GPSM2: variants seen among roughly 807,000 people sequenced by gnomAD.
GPSM2 encodes G protein signaling modulator 2.
A neutral mutation model predicts 78.4 loss-of-function variants in GPSM2; 58 were observed. The observed-to-expected ratio is 0.74, with a 90% confidence interval of 0.60 to 0.92. The LOEUF (loss-of-function observed/expected upper bound fraction) is 0.92. Ranked by LOEUF, GPSM2 falls within the 40% of genes least tolerant of loss-of-function variation. The pLI is 0.00. For synonymous variants in GPSM2, 224 were observed against 280.2 expected, an observed-to-expected ratio of 0.80 and a Z score of 2.00; for missense variants, 700 against 815.5, an observed-to-expected ratio of 0.86 and a Z score of 1.73.
intron 1 of GPSM2, among the ~76,000 whole-genome samples, chr1:108,883,321 G>A (rs1647266105): frequency 1.3e-5 from 2 of 152,112 alleles, no homozygotes; most frequent in South Asian, 4.1e-4. Context: ...CATTAGTCTG[G>A]TTTATGATAT....
intron 14 of GPSM2, among the ~76,000 whole-genome samples, chr1:108,929,209 A>T (rs1257880764): frequency 6.6e-6 from 1 of 152,144 alleles, no homozygotes; most frequent in Non-Finnish European, 1.5e-5. Flanking sequence ...AATGAAAATG[A>T]CTTCATTTAC....
chr1:108,931,389 T>C lies in GPSM2; in HGVS notation c.*1449T>C. 5 of 1,551,192 alleles carry C rather than the reference T, an allele frequency of 3.2e-6. No individual in the cohort carries two copies. Among genetic ancestry groups the C allele is most frequent in the Non-Finnish European group, 4.4e-6 (5 of 1,147,130 alleles). On this transcript the variant is annotated 3_prime_UTR_variant, in exon 15 of 15. Transcript: ENST00000264126. ...AGCAAAAGACAAGTATGGGACAGAC[T>C]GGGACCTGGAGTAACACTGGATCAC... is the stretch of plus-strand genomic sequence containing the variant.
At chr1:108,897,839 T>C in intron 4 of GPSM2, 120 bp from the exon 5 acceptor site, 1 of 1,008,984 alleles carries the variant, frequency 9.9e-7, no homozygotes, top group Non-Finnish European at 1.5e-6. Flanking sequence ...ATTGGTTCTG[T>C]ATGGAGAGCC....
intron 2 of GPSM2, 126 bp from the exon 3 acceptor site, chr1:108,896,738 A>G: frequency 1.3e-6 from 1 of 783,326 alleles, no homozygotes; most frequent in Non-Finnish European, 2.3e-6. Context: ...AATGTATATA[A>G]ACTTCAGTTA....
chr1:108,922,345 A>G, intron 12 of GPSM2, 72 bp from the exon 13 acceptor site: 1 of 1,120,994 alleles, frequency 8.9e-7, no homozygotes, highest in Non-Finnish European at 1.4e-6. Context: ...TGAATGCATC[A>G]TGATGTTCAT....
rs574565748 is a variant in GPSM2 at position 108,929,895 on chromosome 1, T to A, written c.2010T>A (p.Ala670=). The part of the protein sequence containing the change: ...FGLKDFLQNN[A]LLEFKNSGKK... Reference sequence around the variant, plus strand: ...TAAAGGACTTTTTGCAAAATAATGCTTTGTTGGAGTTTAAAAATTCAGGGA... The same window carrying A: ...TAAAGGACTTTTTGCAAAATAATGCATTGTTGGAGTTTAAAAATTCAGGGA... Residue 670 remains alanine (A), a synonymous_variant, in exon 15 of 15, where the codon GCT becomes GCA. Transcript: ENST00000264126. The A allele has an allele frequency of 1.9e-6, 3 of 1,613,698 alleles. No homozygotes were observed. In the African/African-American group the frequency reaches 4.0e-5, roughly 22 times the overall value.
intron 9 of GPSM2, 82 bp downstream of exon 9, chr1:108,903,316 T>C (rs1474469002): frequency 1.1e-5 from 8 of 753,832 alleles, no homozygotes; most frequent in Non-Finnish European, 1.9e-5. Context: ...TTTCTCTAGA[T>C]TGATCATGTG....
chr1:108,925,353 A>G (rs1198984277), intron 14 of GPSM2, among the ~76,000 whole-genome samples: 1 of 152,220 alleles, frequency 6.6e-6, no homozygotes, highest in Non-Finnish European at 1.5e-5. Context: ...CCAAGGGAGA[A>G]GTAAATTTGG....
At position 108,932,218 on chromosome 1, in the gene GPSM2, G is replaced by A. The variant is rs1388825478; in HGVS notation, c.*2278G>A. 1.2e-4 allele frequency: 18 copies of A among 152,316 alleles called. No homozygotes were observed. Among genetic ancestry groups the A allele is most frequent in the South Asian group, 4.1e-4 (2 of 4,830 alleles). 9.4% of individuals were successfully genotyped at this position (152,316 alleles called of 1,614,324 possible). A position where few individuals can be genotyped will look rare whatever the true frequency, so the allele number is the denominator to read the frequency against. ...GAACCTGGGAGGTGGAGGTTGCAGTGAGCCGAGATTGTACCACCTCACTCC... is the reference window on the plus strand; with the variant it reads ...GAACCTGGGAGGTGGAGGTTGCAGTAAGCCGAGATTGTACCACCTCACTCC... On this transcript the variant is annotated 3_prime_UTR_variant, in exon 15 of 15. Coordinates refer to ENST00000264126, the MANE Select transcript of GPSM2 (RefSeq NM_013296.5).
chr1:108,899,816 A>G (rs1042109107), intron 7 of GPSM2, among the ~76,000 whole-genome samples: 4 of 152,260 alleles, frequency 2.6e-5, no homozygotes, highest in African/African-American at 7.2e-5. Context: ...TGTCATCTTC[A>G]TAAAAAAGGT....
chr1:108,914,388 A>T lies in GPSM2; in HGVS notation c.1243A>T (p.Met415Leu). ...RRHSMENMEL[M>L]KLTPEKVQNW... ...GCATAGTATGGAAAATATGGAACTT[A>T]TGAAGTTAACACCAGAAAAGGTGGG... The change falls in exon 11 of 15, where the codon ATG becomes TTG. Residue 415 changes from methionine to leucine, a missense_variant. By Grantham distance (15) the Met-to-Leu change is conservative. Coordinates refer to ENST00000264126, the MANE Select transcript of GPSM2 (RefSeq NM_013296.5). 1 of 1,611,304 alleles carries T rather than the reference A, an allele frequency of 6.2e-7. No individual in the cohort carries two copies. Among genetic ancestry groups the T allele is most frequent in the Non-Finnish European group, 8.5e-7 (1 of 1,177,736 alleles).
chr1:108,904,033 T>C, intron 9 of GPSM2, 92 bp from the exon 10 acceptor site: 1 of 834,782 alleles, frequency 1.2e-6, no homozygotes, highest in Non-Finnish European at 2.0e-6. Flanking sequence ...CTCTATATTT[T>C]CTTCTAGTTT....
At chr1:108,887,349 G>A (rs904933303) in intron 2 of GPSM2, among the ~76,000 whole-genome samples, 5 of 152,158 alleles carry the variant, frequency 3.3e-5, no homozygotes, top group African/African-American at 1.2e-4. Context: ...GGGAGGTAGA[G>A]CTCAAGGTTT....
chr1:108,932,411 TTAAG>T lies in GPSM2; in HGVS notation c.*2473_*2476del, dbSNP rs1173522808. The T allele has an allele frequency of 6.6e-6, 1 of 152,240 alleles. No individual in the cohort carries two copies. The highest frequency in any genetic ancestry group is 2.4e-5 in the African/African-American group (1 of 41,458). The allele number at this position is 152,240 out of a possible 1,614,324, so 9.4% of individuals were successfully genotyped here. A position where few individuals can be genotyped will look rare whatever the true frequency, so the allele number is the denominator to read the frequency against. On this transcript the variant is annotated 3_prime_UTR_variant, in exon 15 of 15. Coordinates refer to ENST00000264126, the MANE Select transcript of GPSM2 (RefSeq NM_013296.5). ...CGATGTGTTCAATTTGCTTTCATAT[TTAAG>T]TCTTTCCTGAATTGCTGTCATCATT... is the stretch of plus-strand genomic sequence containing the variant.
chr1:108,894,808 C>A (rs1432408973), intron 2 of GPSM2, among the ~76,000 whole-genome samples: 3 of 151,788 alleles, frequency 2.0e-5, no homozygotes, highest in African/African-American at 7.3e-5. Context: ...TTGGAATTGG[C>A]TACATATATC....
Position 108,885,571 on chromosome 1 carries a change from C to T in GPSM2, c.49C>T (p.Arg17Cys). The change falls in exon 2 of 15, where the codon CGT becomes TGT. Residue 17 changes from arginine to cysteine, a missense_variant. By Grantham distance (180) the Arg-to-Cys change is radical (BLOSUM62 -3). Coordinates refer to ENST00000264126, the MANE Select transcript of GPSM2 (RefSeq NM_013296.5). ...SMREDHSFHV[R>C]YRMEASCLEL... Reference sequence around the variant, plus strand: ...GAGAGAAGACCATTCTTTTCATGTTCGTTACAGGTAAGACTATTGCTGTCT... The same window carrying T: ...GAGAGAAGACCATTCTTTTCATGTTTGTTACAGGTAAGACTATTGCTGTCT... The T allele has an allele frequency of 1.9e-6, 3 of 1,574,498 alleles. No homozygotes were observed. The highest frequency in any genetic ancestry group is 1.1e-5 in the South Asian group (1 of 90,266).
At chr1:108,910,383 C>CA (rs61565332) in intron 10 of GPSM2, among the ~76,000 whole-genome samples, 15,084 of 152,132 alleles carry the variant, frequency 0.099, 785 homozygotes, top group Middle Eastern at 0.12. Context: ...ATACCTTACA[C>CA]AAAAATTTTA....
In GPSM2 at chr1:108,885,426, T is replaced by A; in HGVS notation, c.-97T>A. 4.1e-6 allele frequency: 3 copies of A among 733,012 alleles called. No individual in the cohort carries two copies. The highest frequency in any genetic ancestry group is 2.9e-4 in the Middle Eastern group (1 of 3,470). 45.4% of individuals were successfully genotyped at this position (733,012 alleles called of 1,614,324 possible). On this transcript the variant is annotated 5_prime_UTR_variant, in exon 2 of 15. Coordinates refer to ENST00000264126, the MANE Select transcript of GPSM2 (RefSeq NM_013296.5). ...TATTAACACCAACTCATTAATATACTAACCGGACAATGTTCTACAAACAAT... is the reference window on the plus strand; with the variant it reads ...TATTAACACCAACTCATTAATATACAAACCGGACAATGTTCTACAAACAAT...
At chr1:108,915,048 G>T (rs1043161030) in intron 11 of GPSM2, among the ~76,000 whole-genome samples, 2 of 151,924 alleles carry the variant, frequency 1.3e-5, no homozygotes, top group African/African-American at 4.8e-5. Context: ...ACTTTTTTCC[G>T]TTTCCTTTGA....
Sources: gnomAD v4.1 joint callset for allele counts (sites outside exome capture counted in the v4.1 genomes callset) on GRCh38, gnomAD v4.1.1 for gene constraint, MANE v1.5 for transcripts, NCBI Gene and HGNC (gene_info 2026-07-23, HGNC 2026-07-21) for gene names.